TENM1: variants seen among roughly 807,000 people sequenced by gnomAD.
The protein encoded by TENM1 is teneurin-1.
In TENM1, 35 loss-of-function variants were observed where a neutral mutation model predicts 174.8. That is an observed-to-expected ratio of 0.20 (90% CI 0.15 to 0.27). The LOEUF (loss-of-function observed/expected upper bound fraction) is 0.27. Ranked by LOEUF, TENM1 falls within the 10% of genes least tolerant of loss-of-function variation. TENM1 has a pLI of 1.00. For missense variants in TENM1, 1,633 were observed against 2,130.1 expected (o/e 0.77, Z 4.59); for synonymous variants, 781 against 798.7 (o/e 0.98, Z 0.37).
At chrX:124,561,571 T>C (rs2048819506) in intron 14 of TENM1, 100 bp downstream of exon 17, 1 of 945,339 alleles carries the variant, frequency 1.1e-6, no homozygotes, top group African/African-American at 1.9e-5. Flanking sequence ...GTATCATTTA[T>C]ACTAGAGATT....
chrX:124,671,743 A>G, exon 6 of TENM1: 1 of 1,209,865 alleles, frequency 8.3e-7, no homozygotes, highest in Non-Finnish European at 1.1e-6. Context: ...GTGTCCATGG[A>G]CTCGGTCCCC....
chrX:125,015,737 T>C, the TENM1 span, among the ~76,000 whole-genome samples: 2 of 111,258 alleles, frequency 1.8e-5, no homozygotes, highest in African/African-American at 3.3e-5. Context: ...AGAAGAAACA[T>C]AGTATTATAG....
chrX:125,048,590 G>C, the TENM1 span, among the ~76,000 whole-genome samples: 1 of 111,404 alleles, frequency 9.0e-6, no homozygotes, highest in African/African-American at 3.3e-5. Flanking sequence ...GTACTGGGCG[G>C]ATGAGGGAGT....
intron 4 of TENM1, among the ~76,000 whole-genome samples, chrX:124,726,241 T>G (rs1189688679): frequency 8.9e-6 from 1 of 112,448 alleles, no homozygotes; most frequent in African/African-American, 3.2e-5. Flanking sequence ...CAAATTATGT[T>G]TGCCTATGGT....
At chrX:124,726,264 T>C (rs914624080) in intron 4 of TENM1, among the ~76,000 whole-genome samples, 2 of 112,500 alleles carry the variant, frequency 1.8e-5, no homozygotes, top group Non-Finnish European at 3.8e-5. Flanking sequence ...TATTTTGAAA[T>C]GAAACTGAGA....
the TENM1 span, among the ~76,000 whole-genome samples, chrX:125,140,880 C>T: frequency 8.9e-6 from 1 of 111,924 alleles, no homozygotes; most frequent in African/African-American, 3.2e-5. Flanking sequence ...CCACCACAAG[C>T]CCTGAATGGA....
intron 1 of TENM1, among the ~76,000 whole-genome samples, chrX:124,935,200 G>A (rs1385409962): frequency 9.4e-6 from 1 of 106,265 alleles, no homozygotes; most frequent in Non-Finnish European, 1.9e-5. Flanking sequence ...GGCTATACTA[G>A]ATGATTTCTA....
chrX:125,185,271 C>G, the TENM1 span, among the ~76,000 whole-genome samples: 1 of 112,085 alleles, frequency 8.9e-6, no homozygotes, highest in African/African-American at 3.2e-5. Flanking sequence ...TATTTGTAGT[C>G]AGTAAGAACT....
At chrX:125,015,739 G>A in the TENM1 span, among the ~76,000 whole-genome samples, 4 of 111,656 alleles carry the variant, frequency 3.6e-5, no homozygotes, top group Non-Finnish European at 7.5e-5. Context: ...AAGAAACATA[G>A]TATTATAGAG....
intron 23 of TENM1, among the ~76,000 whole-genome samples, chrX:124,426,100 C>T (rs961272688): frequency 1.1e-4 from 12 of 108,378 alleles, no homozygotes; most frequent in African/African-American, 3.7e-4. Context: ...GCAGGCTAGC[C>T]AAACATGGCT....
In TENM1 at chrX:124,633,652, T is replaced by G. The variant is rs913021820; in HGVS notation, c.2077+8139A>C. On this transcript the variant is annotated intron_variant, in intron 11 of 31. Transcript: ENST00000422452. Reference sequence around the variant, plus strand: ...TATGGCCATTAAATGAACTTTTGTATAAAGATAAAGAATTTTTGGATCTGA... The same window carrying G: ...TATGGCCATTAAATGAACTTTTGTAGAAAGATAAAGAATTTTTGGATCTGA... Among the ~76,000 whole-genome samples, 19 of 111,040 alleles carry G rather than the reference T, an allele frequency of 1.7e-4. No homozygotes were observed. In the Admixed American group the frequency reaches 1.8e-3, roughly 11 times the overall value.
chrX:124,442,465 T>C (rs1569531826), intron 23 of TENM1, among the ~76,000 whole-genome samples: 2 of 111,465 alleles, frequency 1.8e-5, no homozygotes, highest in African/African-American at 6.5e-5. Context: ...AGTGTGCACA[T>C]GGGAGACTGA....
the TENM1 span, among the ~76,000 whole-genome samples, chrX:125,028,307 T>C: frequency 2.7e-5 from 3 of 112,003 alleles, no homozygotes; most frequent in Admixed American, 9.5e-5. Context: ...ATCACAGAAA[T>C]AAAGTTAAGA....
At chrX:124,530,596 C>T (rs1481411982) in intron 15 of TENM1, among the ~76,000 whole-genome samples, 1 of 111,305 alleles carries the variant, frequency 9.0e-6, no homozygotes, top group African/African-American at 3.3e-5. Context: ...TATTTTTAAG[C>T]CTCCTGATAT....
At chrX:125,132,883 T>C in the TENM1 span, among the ~76,000 whole-genome samples, 2 of 112,273 alleles carry the variant, frequency 1.8e-5, no homozygotes, top group East Asian at 2.8e-4. Context: ...AAAATGAAGA[T>C]GATAATGTAT....
intron 3 of TENM1, among the ~76,000 whole-genome samples, chrX:124,801,572 T>C (rs1490767788): frequency 8.9e-6 from 1 of 112,053 alleles, no homozygotes; most frequent in Non-Finnish European, 1.9e-5. Flanking sequence ...ATTGGGGCAT[T>C]TAGCCCATTT....
intron 23 of TENM1, among the ~76,000 whole-genome samples, chrX:124,443,077 T>TGTGTGTGTGC (rs1377552719): frequency 3.9e-5 from 4 of 101,764 alleles, no homozygotes; most frequent in Non-Finnish European, 8.0e-5. Context: ...TGTGTGTGTG[T>TGTGTGTGTGC]GTGTGTGTGT....
At chrX:124,390,077 G>C (rs1183448404) in intron 28 of TENM1, among the ~76,000 whole-genome samples, 1 of 112,277 alleles carries the variant, frequency 8.9e-6, no homozygotes. Flanking sequence ...GTCCACTGCA[G>C]ACACTGGCAG....
chrX:124,560,608 T>A, intron 14 of TENM1, among the ~76,000 whole-genome samples: 1 of 110,967 alleles, frequency 9.0e-6, no homozygotes. Context: ...GTCTTAAAAC[T>A]TTTAAAGGTT....
Sources: allele counts gnomAD v4.1 joint callset (sites outside exome capture counted in the v4.1 genomes callset), GRCh38; gene constraint gnomAD v4.1.1; transcripts MANE v1.5; gene names NCBI Gene and HGNC (gene_info 2026-07-23, HGNC 2026-07-21).